Variants in NAALADL2 observed in about 807,000 individuals in gnomAD.
NAALADL2 encodes the protein N-acetylated alpha-linked acidic dipeptidase like 2, also known as inactive N-acetylated-alpha-linked acidic dipeptidase-like protein 2.
NAALADL2 carries 76 observed loss-of-function variants against 87.2 expected under a neutral mutation model. That is an observed-to-expected ratio of 0.87 (90% confidence interval 0.72 to 1.05). NAALADL2 has a LOEUF of 1.05. NAALADL2 is among the 50% of genes least tolerant of loss of function. The probability of loss-of-function intolerance (pLI) is 0.00; values close to 1 mark genes in which losing one functional copy is unlikely to be tolerated. For synonymous variants in NAALADL2, 354 were observed against 331.0 expected, an observed-to-expected ratio of 1.07 and a Z score of -0.75; for missense variants, 1,089 against 945.8, an observed-to-expected ratio of 1.15 and a Z score of -1.99.
At chr3:175,350,413 C>A (rs151240804) in intron 5 of NAALADL2, among the ~76,000 whole-genome samples, 1 of 152,256 alleles carries the variant, frequency 6.6e-6, no homozygotes, top group Non-Finnish European at 1.5e-5. Flanking sequence ...TTCTTCCGTT[C>A]ATACTGCTAA....
intron 12 of NAALADL2, among the ~76,000 whole-genome samples, chr3:175,749,882 A>G (rs536617360): frequency 6.6e-6 from 1 of 152,288 alleles, no homozygotes; most frequent in African/African-American, 2.4e-5. Flanking sequence ...GCCATTATAA[A>G]ATGACTTTGA....
At chr3:174,837,945 G>A (rs756786952) in intron 3 of NAALADL2, among the ~76,000 whole-genome samples, 5 of 145,016 alleles carry the variant, frequency 3.4e-5, no homozygotes, top group Non-Finnish European at 6.0e-5. Context: ...TAGAGAAAGA[G>A]AGAAACCTCC....
chr3:174,680,704 C>G (rs1727456562), intron 2 of NAALADL2, among the ~76,000 whole-genome samples: 1 of 152,086 alleles, frequency 6.6e-6, no homozygotes, highest in Non-Finnish European at 1.5e-5. Flanking sequence ...GTGCCATATT[C>G]AAGATTGCTT....
At chr3:175,459,264 A>C (rs1722763715) in intron 6 of NAALADL2, among the ~76,000 whole-genome samples, 1 of 152,140 alleles carries the variant, frequency 6.6e-6, no homozygotes, top group South Asian at 2.1e-4. Context: ...ACATTTTAAA[A>C]AATGAGAGGA....
chr3:175,261,037 G>C (rs1364062031), intron 4 of NAALADL2, among the ~76,000 whole-genome samples: 1 of 152,098 alleles, frequency 6.6e-6, no homozygotes, highest in African/African-American at 2.4e-5. Context: ...CATCGACCAA[G>C]TTCCCCAGTT....
intron 5 of NAALADL2, among the ~76,000 whole-genome samples, chr3:175,383,056 A>C (rs1767971103): frequency 6.6e-6 from 1 of 152,056 alleles, no homozygotes; most frequent in Non-Finnish European, 1.5e-5. Flanking sequence ...TTAATTATGG[A>C]TACATAATCA....
intron 5 of NAALADL2, among the ~76,000 whole-genome samples, chr3:175,339,301 C>T (rs13318208): frequency 0.12 from 18,891 of 152,124 alleles, 2,056 homozygotes; most frequent in African/African-American, 0.3. Context: ...TAGGTTCCAT[C>T]GGCTGAGTGC....
At chr3:175,524,965 G>A (rs1210996159) in intron 9 of NAALADL2, among the ~76,000 whole-genome samples, 2 of 152,086 alleles carry the variant, frequency 1.3e-5, no homozygotes, top group African/African-American at 4.8e-5. Context: ...TTAAACTTGT[G>A]TATGGCAGCA....
Position 174,774,110 on chromosome 3 carries a change from A to G in NAALADL2, c.-9+36364A>G, listed in dbSNP as rs186966664. On this transcript the variant is annotated intron_variant, in intron 3 of 3. Transcript: ENST00000434257. ...TCCCACTTTCCTTGCTTCCAGTACT[A>G]TTCCTCTAACCCACAGCTCCTAGTT... Among the ~76,000 whole-genome samples the G allele has an allele frequency of 1.2e-3, 179 of 152,136 alleles. 1 individual carries two copies. The highest frequency in any genetic ancestry group is 1.0e-3 in the Admixed American group (16 of 15,274).
At chr3:175,795,948 T>G (rs1198134861) in intron 13 of NAALADL2, among the ~76,000 whole-genome samples, 1 of 151,952 alleles carries the variant, frequency 6.6e-6, no homozygotes, top group Non-Finnish European at 1.5e-5. Context: ...GCTGTGAAGT[T>G]GTCTTGGGGC....
intron 5 of NAALADL2, among the ~76,000 whole-genome samples, chr3:175,442,431 A>G (rs186851692): frequency 5.3e-4 from 81 of 152,312 alleles, no homozygotes; most frequent in African/African-American, 1.9e-3. Context: ...AACACAACTT[A>G]CTTATTTTAA....
At chr3:174,759,905 T>G (rs956009264) in intron 3 of NAALADL2, among the ~76,000 whole-genome samples, 9 of 152,124 alleles carry the variant, frequency 5.9e-5, no homozygotes, top group African/African-American at 1.7e-4. Flanking sequence ...TTTGCCATGT[T>G]GGCCAGGCTG....
chr3:174,759,053 T>A (rs1172347653), intron 3 of NAALADL2, among the ~76,000 whole-genome samples: 1 of 152,216 alleles, frequency 6.6e-6, no homozygotes, highest in Non-Finnish European at 1.5e-5. Context: ...ACATACTTTT[T>A]TTTCTTTTGT....
At chr3:174,996,129 A>G (rs766008126) in intron 1 of NAALADL2, among the ~76,000 whole-genome samples, 15 of 152,216 alleles carry the variant, frequency 9.9e-5, no homozygotes, top group Non-Finnish European at 2.1e-4. Flanking sequence ...CTTATGTTGT[A>G]TACAAATATA....
intron 1 of NAALADL2, among the ~76,000 whole-genome samples, chr3:175,001,402 G>A (rs1748213333): frequency 6.6e-6 from 1 of 152,118 alleles, no homozygotes; most frequent in African/African-American, 2.4e-5. Context: ...AATTTCCCAG[G>A]TGATTCACAC....
intron 3 of NAALADL2, among the ~76,000 whole-genome samples, chr3:174,828,499 C>T (rs770756529): frequency 1.3e-5 from 2 of 152,066 alleles, no homozygotes; most frequent in African/African-American, 2.4e-5. Context: ...GCCTTCAGAA[C>T]GAGTGAAACT....
chr3:174,831,747 T>C lies in NAALADL2; in HGVS notation c.-9+94001T>C, dbSNP rs1407658823. 6.3e-3 allele frequency among the ~76,000 whole-genome samples: 960 copies of C among 151,494 alleles called. 8 individuals carry two copies. Among genetic ancestry groups the C allele is most frequent in the African/African-American group, 0.022 (907 of 41,288 alleles). On this transcript the variant is annotated intron_variant, in intron 3 of 3. Coordinates refer to the NAALADL2 transcript ENST00000434257. Reference sequence around the variant, plus strand: ...TGAATCCATCTGGTCCTGTACTCTTTTTGGTTGGTAAGCTATTGATTATTG... The same window carrying C: ...TGAATCCATCTGGTCCTGTACTCTTCTTGGTTGGTAAGCTATTGATTATTG...
rs3040106 is a variant in NAALADL2, at chr3:174,819,058, C to CTTTTTTTT, written c.-9+81333_-9+81340dup. On this transcript the variant is annotated intron_variant, in intron 3 of 3. Coordinates refer to the NAALADL2 transcript ENST00000434257. ...GAATTTCTTTATTATACCATTTATT[C>CTTTTTTTT]TTTTTTTTTTTTTTTTTTTTTTTTT... Among the ~76,000 whole-genome samples, 184 of 47,544 alleles carry CTTTTTTTT rather than the reference C, an allele frequency of 3.9e-3. 9 individuals carry two copies. The highest frequency in any genetic ancestry group is 5.5e-3 in the Non-Finnish European group (137 of 25,126). The allele number at this position is 47,544 out of a possible 152,430, so 31.2% of individuals were successfully genotyped here.
chr3:174,850,956 G>T (rs934843819), intron 3 of NAALADL2, among the ~76,000 whole-genome samples: 1 of 152,014 alleles, frequency 6.6e-6, no homozygotes, highest in African/African-American at 2.4e-5. Context: ...TGTAACCAGA[G>T]AAACTTTGGA....
Sources: gnomAD v4.1 joint callset for allele counts (sites outside exome capture counted in the v4.1 genomes callset) on GRCh38, gnomAD v4.1.1 for gene constraint, MANE v1.5 for transcripts, NCBI Gene and HGNC (gene_info 2026-07-23, HGNC 2026-07-21) for gene names.